DCT: variants seen among roughly 807,000 people sequenced by gnomAD.
DCT encodes the protein L-dopachrome tautomerase.
In DCT, 47 loss-of-function variants were observed where a neutral mutation model predicts 53.0. The ratio of observed to expected loss-of-function variants is 0.89; its 90% CI spans 0.70 to 1.13. The LOEUF (loss-of-function observed/expected upper bound fraction) is 1.13, where lower values mean the gene tolerates loss of function less well. DCT is among the 50% of genes most tolerant of loss of function. The pLI is 0.00. For missense variants in DCT, 669 were observed against 637.4 expected, an observed-to-expected ratio of 1.05 and a Z score of -0.53; for synonymous variants, 244 against 237.0, an observed-to-expected ratio of 1.03 and a Z score of -0.27.
At chr13:94,476,619 G>A (rs1885104689) in intron 1 of DCT, among the ~76,000 whole-genome samples, 1 of 151,928 alleles carries the variant, frequency 6.6e-6, no homozygotes, top group South Asian at 2.1e-4. Flanking sequence ...GGGATTACAG[G>A]TGCCCATCAC....
the DCT span, among the ~76,000 whole-genome samples, chr13:94,493,237 C>T: frequency 2.7e-4 from 41 of 152,208 alleles, no homozygotes; most frequent in East Asian, 6.4e-3. Context: ...GCCAGCTTCT[C>T]GAAATTTAGA....
In DCT at chr13:94,479,419, G is replaced by A. The variant is rs1401356045; in HGVS notation, c.-164C>T. The A allele has an allele frequency of 1.3e-5, 9 of 670,776 alleles. No homozygotes were observed. The highest frequency in any genetic ancestry group is 1.2e-4 in the Admixed American group (4 of 32,088). The allele number at this position is 670,776 out of a possible 1,614,324, so 41.6% of individuals were successfully genotyped here. A position where few individuals can be genotyped will look rare whatever the true frequency, so the allele number is the denominator to read the frequency against. On this transcript the variant is annotated 5_prime_UTR_variant, in exon 1 of 8. Transcript: ENST00000377028. ...AAAAATACCCACAAGAATCACAGAG[G>A]TTACATGTGTGCACATGTGTACATG...
the DCT span, among the ~76,000 whole-genome samples, chr13:94,501,846 A>C: frequency 6.6e-6 from 1 of 152,210 alleles, no homozygotes; most frequent in Non-Finnish European, 1.5e-5. Flanking sequence ...GATTGAGCAG[A>C]GACCATGTCA....
Position 94,468,844 on chromosome 13 carries a change from A to T in DCT, c.497T>A (p.Leu166Gln). ...YVITTQHWLG[L>Q]LGPNGTQPQF... is the part of the protein sequence containing the mutation. ...CGGCTGGGTTCCATTGGGCCCAAGC[A>T]GGCCCAGCCAGTGTTGTGTGGTGAT... Residue 166 changes from leucine (L) to glutamine (Q), a missense_variant, in exon 2 of 8, where the codon CTG (leucine) becomes CAG (glutamine). Transcript: ENST00000377028. 3.1e-6 allele frequency: 5 copies of T among 1,614,120 alleles called. No individual in the cohort carries two copies. Among genetic ancestry groups the T allele is most frequent in the Non-Finnish European group, 4.2e-6 (5 of 1,179,930 alleles).
chr13:94,536,197 C>T, the DCT span, among the ~76,000 whole-genome samples: 8 of 152,252 alleles, frequency 5.3e-5, no homozygotes, highest in East Asian at 1.5e-3. Context: ...CAGTTTAGGA[C>T]CAGGGTTGAT....
chr13:94,548,024 A>G, the DCT span, among the ~76,000 whole-genome samples: 1 of 144,118 alleles, frequency 6.9e-6, no homozygotes, highest in East Asian at 2.0e-4. Context: ...GTGAGGACCC[A>G]CTGCTCCATA....
chr13:94,526,946 C>T, the DCT span, among the ~76,000 whole-genome samples: 1 of 152,090 alleles, frequency 6.6e-6, no homozygotes, highest in Admixed American at 6.5e-5. Context: ...ACAGTCTTAG[C>T]AACTGGCAGA....
At chr13:94,452,709 T>C (rs774829771) in intron 6 of DCT, 2 of 690,584 alleles carry the variant, frequency 2.9e-6, no homozygotes, top group East Asian at 5.6e-5. Flanking sequence ...AAATTTAAAA[T>C]TAAAATAATA....
chr13:94,438,741 A>G lies in DCT; in HGVS notation c.*1157T>C, dbSNP rs1407994. 2,674 of 442,712 alleles carry G rather than the reference A, an allele frequency of 6.0e-3. 55 individuals carry two copies. The highest frequency in any genetic ancestry group is 0.048 in the African/African-American group (2,411 of 49,866). 27.4% of individuals were successfully genotyped at this position (442,712 alleles called of 1,614,324 possible). ...TCTCATTCTTATTCCTCATGATCTGATGATTGCATAGCAGAATATAACCAC... is the reference window on the plus strand; with the variant it reads ...TCTCATTCTTATTCCTCATGATCTGGTGATTGCATAGCAGAATATAACCAC... On this transcript the variant is annotated 3_prime_UTR_variant, in exon 8 of 8. Transcript: ENST00000377028.
chr13:94,530,411 T>C, the DCT span, among the ~76,000 whole-genome samples: 1 of 152,144 alleles, frequency 6.6e-6, no homozygotes, highest in Admixed American at 6.6e-5. Context: ...GCAAACCAAA[T>C]CCAGCAGCCC....
the DCT span, among the ~76,000 whole-genome samples, chr13:94,517,761 G>A: frequency 6.6e-6 from 1 of 152,156 alleles, no homozygotes. Flanking sequence ...GAAGGCAGAG[G>A]CAAAGATCGG....
At chr13:94,495,685 A>G in the DCT span, among the ~76,000 whole-genome samples, 76 of 152,338 alleles carry the variant, frequency 5.0e-4, no homozygotes, top group South Asian at 9.3e-3. Flanking sequence ...CTATTAAAAT[A>G]TTAATTTTTA....
At chr13:94,452,498 A>G in intron 6 of DCT, 1 of 648,184 alleles carries the variant, frequency 1.5e-6, no homozygotes, top group Non-Finnish European at 2.8e-6. Context: ...ACACACAGGT[A>G]TTAGGAGGGA....
intron 6 of DCT, 132 bp from the exon 7 acceptor site, chr13:94,443,769 AC>A (rs1882524741): frequency 5.9e-6 from 4 of 677,928 alleles, no homozygotes; most frequent in Non-Finnish European, 7.7e-6. Context: ...TGTGTGGAAT[AC>A]CCCCTTCTGT....
the DCT span, among the ~76,000 whole-genome samples, chr13:94,541,236 G>C: frequency 6.6e-6 from 1 of 152,140 alleles, no homozygotes; most frequent in African/African-American, 2.4e-5. Flanking sequence ...GGACACAGTG[G>C]CTCACGCCTG....
the DCT span, among the ~76,000 whole-genome samples, chr13:94,539,057 T>G: frequency 1.3e-5 from 2 of 152,144 alleles, no homozygotes; most frequent in African/African-American, 4.8e-5. Flanking sequence ...TCCAAAGAAC[T>G]CCAATAGACT....
intron 1 of DCT, among the ~76,000 whole-genome samples, chr13:94,472,981 T>C (rs1004309623): frequency 2.6e-5 from 4 of 152,194 alleles, no homozygotes; most frequent in African/African-American, 7.2e-5. Context: ...CATATGACTA[T>C]ACTGTGCACA....
At chr13:94,449,527 C>T (rs1882948563) in intron 6 of DCT, among the ~76,000 whole-genome samples, 1 of 152,222 alleles carries the variant, frequency 6.6e-6, no homozygotes, top group Non-Finnish European at 1.5e-5. Context: ...TGCTATTGCT[C>T]TGGTCCTCTG....
At chr13:94,481,413 A>G (rs1444140797), upstream of DCT, among the ~76,000 whole-genome samples, 4 of 152,202 alleles carry the variant, frequency 2.6e-5, no homozygotes, top group Admixed American at 2.0e-4. Flanking sequence ...GAGCTCATTC[A>G]TTCATTCCAT....
Sources: gnomAD v4.1 joint callset for allele counts (sites outside exome capture counted in the v4.1 genomes callset) on GRCh38, gnomAD v4.1.1 for gene constraint, MANE v1.5 for transcripts, NCBI Gene and HGNC (gene_info 2026-07-23, HGNC 2026-07-21) for gene names.